Variants in SCAMP1 observed in about 807,000 individuals in gnomAD.
SCAMP1 encodes secretory carrier membrane protein 1.
A neutral mutation model predicts 41.8 loss-of-function variants in SCAMP1; 15 were observed. The ratio of observed to expected loss-of-function variants is 0.36; its 90% confidence interval spans 0.24 to 0.55. The LOEUF is 0.55. Among genes scored for constraint, SCAMP1 ranks in the 20% least tolerant of loss-of-function variants. The probability of loss-of-function intolerance (pLI) is 0.86; values close to 1 mark genes in which losing one functional copy is unlikely to be tolerated. For synonymous variants in SCAMP1, 135 were observed against 136.8 expected (o/e 0.99, Z 0.09); for missense variants, 341 against 412.6 (o/e 0.83, Z 1.50).
intron 8 of SCAMP1, among the ~76,000 whole-genome samples, chr5:78,463,458 A>T (rs1753666502): frequency 6.6e-6 from 1 of 152,224 alleles, no homozygotes; most frequent in Admixed American, 6.5e-5. Flanking sequence ...GAATTGGAAA[A>T]GATAATGCAT....
At chr5:78,413,392 A>G (rs1323715043) in intron 2 of SCAMP1, among the ~76,000 whole-genome samples, 1 of 148,820 alleles carries the variant, frequency 6.7e-6, no homozygotes, top group Non-Finnish European at 1.5e-5. Flanking sequence ...TTTTTCTTCA[A>G]AATGGTTTGA....
At chr5:78,462,085 A>G (rs1009209341) in intron 8 of SCAMP1, among the ~76,000 whole-genome samples, 2 of 151,984 alleles carry the variant, frequency 1.3e-5, no homozygotes, top group South Asian at 4.2e-4. Context: ...ATGAATGTGG[A>G]TGTTTTTCCA....
rs756523703 is a variant in SCAMP1 at position 78,446,568 on chromosome 5, C to G, written c.633-3365C>G. On this transcript the variant is annotated intron_variant, in intron 6 of 8. Coordinates refer to ENST00000621999, the MANE Select transcript of SCAMP1 (RefSeq NM_004866.6). ...AGAGGGACAGGGAAATAGAAATATA[C>G]TTTAGAAGTGTCTGTTTCAAAATAG... 5.4e-4 allele frequency among the ~76,000 whole-genome samples: 82 copies of G among 151,932 alleles called. 1 individual carries two copies. The highest frequency in any genetic ancestry group is 1.0e-3 in the South Asian group (5 of 4,826).
chr5:78,480,639 C>CT lies in SCAMP1; in HGVS notation c.*4978dup, dbSNP rs376151988. Among the ~76,000 whole-genome samples the CT allele has an allele frequency of 2.0e-3, 310 of 152,240 alleles. No homozygotes were observed. The highest frequency in any genetic ancestry group is 7.2e-3 in the African/African-American group (298 of 41,534). ...CCACTGGGCCTATGCATCCCTCACA[C>CT]TTTTTTTCTAGTATAAAAGCAATAC... On this transcript the variant is annotated 3_prime_UTR_variant, in exon 9 of 9. Transcript: ENST00000621999.
At chr5:78,461,019 C>G (rs1366244866) in intron 8 of SCAMP1, among the ~76,000 whole-genome samples, 5 of 151,986 alleles carry the variant, frequency 3.3e-5, no homozygotes, top group Non-Finnish European at 5.9e-5. Context: ...GCATGCCTGG[C>G]TAATTTTTAT....
rs552305887 is a variant in SCAMP1, at chr5:78,461,365, T to G, written c.852+2003T>G. Among the ~76,000 whole-genome samples the G allele has an allele frequency of 2.0e-5, 3 of 152,268 alleles. No individual in the cohort carries two copies. The East Asian group carries it at 5.8e-4, about 29-fold the overall frequency. On this transcript the variant is annotated intron_variant, in intron 8 of 8. Transcript: ENST00000621999. The stretch of plus-strand genomic sequence containing the variant: ...GTTAATTTTTGTATGTGGTGAGAAG[T>G]AGGGGTCAATTTTATTCTTCTGCAT...
At chr5:78,364,825 A>T (rs1750752245) in intron 1 of SCAMP1, among the ~76,000 whole-genome samples, 1 of 141,046 alleles carries the variant, frequency 7.1e-6, no homozygotes, top group Admixed American at 7.5e-5. Flanking sequence ...ATAGGTGGGA[A>T]TTGAATAATG....
intron 7 of SCAMP1, 33 bp from the exon 8 acceptor site, chr5:78,459,212 T>C (rs6453391): frequency 0.8 from 786,960 of 986,096 alleles, 317,006 homozygotes; most frequent in East Asian, 0.92. Flanking sequence ...TTACATCAAC[T>C]TTTGCCTAAT....
At chr5:78,427,892 CTAT>C (rs1335630465) in intron 6 of SCAMP1, among the ~76,000 whole-genome samples, 1 of 152,032 alleles carries the variant, frequency 6.6e-6, no homozygotes, top group African/African-American at 2.4e-5. Flanking sequence ...TGACTTCTTA[CTAT>C]TAAGTTTATT....
intron 7 of SCAMP1, among the ~76,000 whole-genome samples, chr5:78,455,164 T>A (rs1436019761): frequency 1.3e-5 from 2 of 150,880 alleles, no homozygotes; most frequent in African/African-American, 4.9e-5. Flanking sequence ...TTTGAAGGGT[T>A]TTTTGTGTCT....
intron 2 of SCAMP1, among the ~76,000 whole-genome samples, chr5:78,407,436 CAGT>C (rs1751960214): frequency 6.6e-6 from 1 of 152,040 alleles, no homozygotes; most frequent in Non-Finnish European, 1.5e-5. Flanking sequence ...AAAGGATACA[CAGT>C]GGTTTATAGG....
At chr5:78,439,349 G>A (rs1026782919) in intron 6 of SCAMP1, among the ~76,000 whole-genome samples, 1 of 152,164 alleles carries the variant, frequency 6.6e-6, no homozygotes, top group African/African-American at 2.4e-5. Flanking sequence ...GCAGTGGCTG[G>A]TACTGGTTGT....
At chr5:78,459,160 A>C (rs1251518231) in intron 7 of SCAMP1, 85 bp from the exon 8 acceptor site, 5 of 703,910 alleles carry the variant, frequency 7.1e-6, no homozygotes, top group Non-Finnish European at 1.3e-5. Context: ...CTGGCTGATA[A>C]GTGTTGAATA....
intron 1 of SCAMP1, among the ~76,000 whole-genome samples, chr5:78,366,960 G>A (rs1421499717): frequency 6.7e-5 from 10 of 148,660 alleles, no homozygotes; most frequent in African/African-American, 2.5e-4. Context: ...ACAAAAAAAA[G>A]ATATAAAATT....
intron 6 of SCAMP1, among the ~76,000 whole-genome samples, chr5:78,430,921 G>A (rs1417989070): frequency 2.0e-5 from 3 of 152,042 alleles, no homozygotes; most frequent in South Asian, 2.1e-4. Flanking sequence ...TGCCCACTGA[G>A]TGTTGAGAAT....
intron 6 of SCAMP1, among the ~76,000 whole-genome samples, chr5:78,423,958 C>CCT (rs1394514085): frequency 6.6e-6 from 1 of 151,828 alleles, no homozygotes; most frequent in Admixed American, 6.6e-5. Context: ...AGTTCTCCTG[C>CCT]CTCAGCCTCT....
chr5:78,455,171 G>T (rs1380674391), intron 7 of SCAMP1, among the ~76,000 whole-genome samples: 1 of 150,296 alleles, frequency 6.7e-6, no homozygotes, highest in Admixed American at 6.6e-5. Context: ...GGTTTTTTGT[G>T]TCTCTATTTC....
intron 7 of SCAMP1, among the ~76,000 whole-genome samples, chr5:78,451,463 A>T (rs1434387982): frequency 3.3e-5 from 5 of 152,138 alleles, no homozygotes; most frequent in African/African-American, 7.2e-5. Context: ...AGCCACTCTC[A>T]AAACTCCCCT....
At chr5:78,397,144 A>G (rs1751673149) in intron 2 of SCAMP1, among the ~76,000 whole-genome samples, 1 of 152,204 alleles carries the variant, frequency 6.6e-6, no homozygotes, top group African/African-American at 2.4e-5. Context: ...AGACATGCAA[A>G]TCAGTGGAAT....
Sources: gnomAD v4.1 joint callset for allele counts (sites outside exome capture counted in the v4.1 genomes callset) on GRCh38, gnomAD v4.1.1 for gene constraint, MANE v1.5 for transcripts, NCBI Gene and HGNC (gene_info 2026-07-23, HGNC 2026-07-21) for gene names.